Variants in TRHDE observed in about 807,000 individuals in gnomAD.
TRHDE encodes the protein thyrotropin releasing hormone degrading enzyme, also known as thyrotropin-releasing hormone-degrading ectoenzyme.
Under a neutral mutation model 125.7 loss-of-function variants are expected in TRHDE, and 72 were observed. The ratio of observed to expected loss-of-function variants is 0.57; its 90% CI spans 0.47 to 0.70. The LOEUF is 0.70. TRHDE is among the 30% of genes least tolerant of loss of function. The pLI, the probability that TRHDE is intolerant of heterozygous loss-of-function variation, is 0.00. For synonymous variants in TRHDE, 509 were observed against 509.1 expected (o/e 1.00, Z 0.00); for missense variants, 1,110 against 1,327.1 (o/e 0.84, Z 2.54).
intron 2 of TRHDE, among the ~76,000 whole-genome samples, chr12:72,198,207 A>T (rs753533570): frequency 1.3e-4 from 20 of 152,074 alleles, no homozygotes; most frequent in Admixed American, 3.9e-4. Flanking sequence ...TAATCCATTC[A>T]TCAGTTGATG....
intron 2 of TRHDE, among the ~76,000 whole-genome samples, chr12:72,373,211 G>C (rs1040552986): frequency 6.6e-5 from 10 of 152,116 alleles, no homozygotes; most frequent in East Asian, 1.9e-4. Flanking sequence ...TGGTGTATAA[G>C]AATGCTTGTG....
At chr12:72,199,285 A>C (rs1262113679) in intron 2 of TRHDE, among the ~76,000 whole-genome samples, 2 of 152,216 alleles carry the variant, frequency 1.3e-5, no homozygotes, top group Non-Finnish European at 2.9e-5. Context: ...GCTTAAAAAA[A>C]AACAGCTTAA....
chr12:72,185,390 G>A (rs1197136430), intron 2 of TRHDE, among the ~76,000 whole-genome samples: 1 of 152,240 alleles, frequency 6.6e-6, no homozygotes, highest in Non-Finnish European at 1.5e-5. Context: ...CTGCTCCACG[G>A]CGCCCAGTCC....
At chr12:72,248,066 T>C (rs1878608549) in intron 2 of TRHDE, among the ~76,000 whole-genome samples, 1 of 152,216 alleles carries the variant, frequency 6.6e-6, no homozygotes, top group Non-Finnish European at 1.5e-5. Flanking sequence ...CATGTGTGTA[T>C]ATGTGTGTAC....
intron 2 of TRHDE, among the ~76,000 whole-genome samples, chr12:72,316,743 T>G (rs1868821800): frequency 6.6e-6 from 1 of 152,194 alleles, no homozygotes; most frequent in Non-Finnish European, 1.5e-5. Context: ...GAATATGCCA[T>G]GATTAATCTA....
chr12:72,473,602 A>G (rs1469766842), intron 5 of TRHDE, among the ~76,000 whole-genome samples: 2 of 152,144 alleles, frequency 1.3e-5, no homozygotes, highest in African/African-American at 2.4e-5. Flanking sequence ...ATTGTTGTAG[A>G]TATATGTATT....
At chr12:72,183,194 A>T (rs1054812582) in intron 2 of TRHDE, among the ~76,000 whole-genome samples, 17 of 152,318 alleles carry the variant, frequency 1.1e-4, no homozygotes, top group Admixed American at 8.5e-4. Context: ...ACCTTTACTA[A>T]AACTTTATTA....
intron 3 of TRHDE, among the ~76,000 whole-genome samples, chr12:72,420,901 T>C (rs1873924887): frequency 6.6e-6 from 1 of 152,188 alleles, no homozygotes; most frequent in Non-Finnish European, 1.5e-5. Context: ...ACACATAGCA[T>C]GATTCCTAAA....
Position 72,569,538 on chromosome 12 carries a change from C to T in TRHDE, c.2131+882C>T, listed in dbSNP as rs74105909. On this transcript the variant is annotated intron_variant, in intron 10 of 18. Transcript: ENST00000261180. ...AACAAACACAGTTTCTTCTCCTCAG[C>T]CTTGCTATTATAAGGGAGGTTTACA... is the stretch of plus-strand genomic sequence containing the variant. Among the ~76,000 whole-genome samples, 106 of 152,190 alleles carry T rather than the reference C, an allele frequency of 7.0e-4. 1 individual carries two copies. Among genetic ancestry groups the T allele is most frequent in the African/African-American group, 2.5e-3 (104 of 41,550 alleles).
intron 2 of TRHDE, among the ~76,000 whole-genome samples, chr12:72,359,774 G>A (rs1219318009): frequency 6.6e-6 from 1 of 151,664 alleles, no homozygotes; most frequent in African/African-American, 2.4e-5. Flanking sequence ...TTGTGTATAA[G>A]TGTGGAAAAT....
chr12:72,383,600 C>T (rs1872282373), intron 3 of TRHDE, among the ~76,000 whole-genome samples: 1 of 151,986 alleles, frequency 6.6e-6, no homozygotes, highest in African/African-American at 2.4e-5. Flanking sequence ...TGGTGTCAAA[C>T]TCCTGACCTC....
chr12:72,575,178 T>A, intron 10 of TRHDE, 77 bp from the exon 11 acceptor site: 6 of 1,376,156 alleles, frequency 4.4e-6, no homozygotes, highest in Non-Finnish European at 6.1e-6. Context: ...TATTGTTATA[T>A]CTGGCGTTAA....
intron 2 of TRHDE, among the ~76,000 whole-genome samples, chr12:72,109,180 C>T (rs1875259933): frequency 6.6e-6 from 1 of 152,038 alleles, no homozygotes; most frequent in Non-Finnish European, 1.5e-5. Context: ...TTCCTGCCCT[C>T]ACAGAGATGC....
At chr12:72,138,254 A>G (rs569510776) in intron 2 of TRHDE, among the ~76,000 whole-genome samples, 2 of 152,052 alleles carry the variant, frequency 1.3e-5, no homozygotes, top group African/African-American at 4.8e-5. Flanking sequence ...ACGCACCTGT[A>G]GTGCCAGCTA....
At chr12:72,195,537 G>A (rs866163919) in intron 2 of TRHDE, among the ~76,000 whole-genome samples, 7 of 152,010 alleles carry the variant, frequency 4.6e-5, no homozygotes, top group African/African-American at 9.7e-5. Context: ...TTGGCCACTT[G>A]TATGTCTTAT....
In TRHDE at chr12:72,283,898, C is replaced by CAT. The variant is rs768276311; in HGVS notation, c.915-2770_915-2769dup. Among the ~76,000 whole-genome samples the CAT allele has an allele frequency of 1.5e-3, 218 of 150,146 alleles. 1 individual carries two copies. Among genetic ancestry groups the CAT allele is most frequent in the African/African-American group, 4.1e-3 (170 of 40,978 alleles). On this transcript the variant is annotated intron_variant, in intron 1 of 18. Coordinates refer to ENST00000261180, the MANE Select transcript of TRHDE (RefSeq NM_013381.3). ...TAATTTTCCATGAGGAAATATTATA[C>CAT]ATATATATATATATTTCATGGAAAA...
At chr12:72,537,385 A>ACTGTACT (rs1438480713) in intron 6 of TRHDE, among the ~76,000 whole-genome samples, 1 of 151,976 alleles carries the variant, frequency 6.6e-6, no homozygotes, top group Non-Finnish European at 1.5e-5. Flanking sequence ...TTTCCCCCAT[A>ACTGTACT]CTGTTACTCA....
At chr12:72,445,306 A>C (rs1189999130) in intron 3 of TRHDE, among the ~76,000 whole-genome samples, 1 of 151,866 alleles carries the variant, frequency 6.6e-6, no homozygotes, top group African/African-American at 2.4e-5. Context: ...GTCATGTATA[A>C]TACTACTATT....
chr12:72,490,756 TA>T (rs538829137), intron 5 of TRHDE, among the ~76,000 whole-genome samples: 2,540 of 116,194 alleles, frequency 0.022, 17 homozygotes, highest in Middle Eastern at 0.035. Flanking sequence ...GTGGAATCTG[TA>T]AAAAAAAAAA....
Sources: gnomAD v4.1 joint callset for allele counts (sites outside exome capture counted in the v4.1 genomes callset) on GRCh38, gnomAD v4.1.1 for gene constraint, MANE v1.5 for transcripts, NCBI Gene and HGNC (gene_info 2026-07-23, HGNC 2026-07-21) for gene names.